KDM4C: variants seen among roughly 807,000 people sequenced by gnomAD.
KDM4C encodes the protein lysine-specific demethylase 4C.
KDM4C carries 81 observed loss-of-function variants against 129.3 expected under a neutral mutation model. The observed-to-expected ratio is 0.63, with a 90% CI of 0.52 to 0.75. The LOEUF is 0.75. KDM4C is among the 30% of genes least tolerant of loss of function. The pLI is 0.00. For missense variants in KDM4C, 1,457 were observed against 1,304.0 expected, an observed-to-expected ratio of 1.12 and a Z score of -1.81; for synonymous variants, 573 against 456.1, an observed-to-expected ratio of 1.26 and a Z score of -3.26.
chr9:7,059,222 T>C (rs1349793273), intron 17 of KDM4C, among the ~76,000 whole-genome samples: 1 of 152,194 alleles, frequency 6.6e-6, no homozygotes, highest in Non-Finnish European at 1.5e-5. Context: ...CCATCATGGC[T>C]CATTGCAGCC....
chr9:7,142,009 G>A (rs1185235456), intron 19 of KDM4C, among the ~76,000 whole-genome samples: 3 of 152,084 alleles, frequency 2.0e-5, no homozygotes, highest in South Asian at 2.1e-4. Context: ...AAATTCTTCA[G>A]TATGAAAATA....
At chr9:6,770,085 A>G (rs143839066) in intron 1 of KDM4C, among the ~76,000 whole-genome samples, 54 of 152,280 alleles carry the variant, frequency 3.5e-4, no homozygotes, top group African/African-American at 1.3e-3. Flanking sequence ...AGGCTGAGGC[A>G]GGAGAATCGC....
chr9:6,950,603 G>C (rs1049119339), intron 8 of KDM4C, among the ~76,000 whole-genome samples: 1 of 152,138 alleles, frequency 6.6e-6, no homozygotes, highest in East Asian at 1.9e-4. Context: ...GTTTAAGTGA[G>C]ATTATCTCTG....
Position 6,842,334 on chromosome 9 carries a change from T to TTTTTG in KDM4C, c.436-7173_436-7172insTTTTG, listed in dbSNP as rs1554714659. On this transcript the variant is annotated intron_variant, in intron 4 of 21. Coordinates refer to ENST00000381309, the MANE Select transcript of KDM4C (RefSeq NM_015061.6). ...TTTCTTTTTTTTTTTTTTTTTTTTT[T>TTTTTG]GAGACGGAGTCTTGCTCTGTCACCT... Among the ~76,000 whole-genome samples, 47 of 124,150 alleles carry TTTTTG rather than the reference T, an allele frequency of 3.8e-4. 3 individuals carry two copies. Among genetic ancestry groups the TTTTTG allele is most frequent in the Non-Finnish European group, 4.7e-4 (29 of 61,290 alleles). The allele number at this position is 124,150 out of a possible 152,430, so 81.4% of individuals were successfully genotyped here.
intron 8 of KDM4C, among the ~76,000 whole-genome samples, chr9:6,945,384 A>G (rs1826777735): frequency 6.6e-6 from 1 of 152,238 alleles, no homozygotes; most frequent in African/African-American, 2.4e-5. Context: ...TTTGGGTAGC[A>G]TAAATTCAGA....
intron 1 of KDM4C, chr9:6,734,466 G>C (rs1817456945): frequency 6.1e-6 from 1 of 163,584 alleles, no homozygotes; most frequent in African/African-American, 2.4e-5. Context: ...AGTTAATTTT[G>C]TATTTTTAGT....
intron 8 of KDM4C, among the ~76,000 whole-genome samples, chr9:6,975,847 G>A (rs1485219076): frequency 6.6e-6 from 1 of 152,180 alleles, no homozygotes; most frequent in Non-Finnish European, 1.5e-5. Flanking sequence ...AGACCAGCTT[G>A]GCTAACATAG....
intron 5 of KDM4C, among the ~76,000 whole-genome samples, chr9:6,859,668 C>T (rs1840571675): frequency 6.6e-6 from 1 of 150,958 alleles, no homozygotes; most frequent in Non-Finnish European, 1.5e-5. Flanking sequence ...CGAAACCATC[C>T]TGGGTAACAT....
chr9:7,078,837 T>C (rs919276362), intron 17 of KDM4C, among the ~76,000 whole-genome samples: 1 of 152,166 alleles, frequency 6.6e-6, no homozygotes, highest in African/African-American at 2.4e-5. Context: ...AGCAACCCCA[T>C]GATTGGATGA....
chr9:6,785,780 C>T (rs1354694888), intron 1 of KDM4C, among the ~76,000 whole-genome samples: 1 of 152,214 alleles, frequency 6.6e-6, no homozygotes, highest in Admixed American at 6.5e-5. Flanking sequence ...TAGGTTTCAG[C>T]GTGTCTTTTG....
chr9:7,014,089 G>A, intron 14 of KDM4C, 88 bp downstream of exon 14: 1 of 1,000,906 alleles, frequency 1.0e-6, no homozygotes, highest in Non-Finnish European at 1.5e-6. Context: ...TGTCAGATCT[G>A]TTGCATGGAC....
At chr9:6,801,526 C>T (rs1369808693) in intron 2 of KDM4C, among the ~76,000 whole-genome samples, 9 of 151,192 alleles carry the variant, frequency 6.0e-5, no homozygotes, top group South Asian at 4.2e-4. Flanking sequence ...CGTGAGCTAC[C>T]GTGCCCAGCC....
At chr9:6,939,184 C>T (rs182717983) in intron 8 of KDM4C, among the ~76,000 whole-genome samples, 231 of 152,002 alleles carry the variant, frequency 1.5e-3, no homozygotes, top group African/African-American at 5.0e-3. Context: ...TGCTCCCCAT[C>T]GCTGGCATTA....
intron 1 of KDM4C, chr9:6,749,013 CTTA>C (rs767165885): frequency 4.2e-6 from 3 of 707,302 alleles, no homozygotes; most frequent in South Asian, 1.5e-5. Context: ...CACTTGCAAG[CTTA>C]TTATTATTAT....
chr9:6,757,649 T>C (rs1011661533), upstream of KDM4C: 1 of 985,472 alleles, frequency 1.0e-6, no homozygotes, highest in South Asian at 4.7e-5. Flanking sequence ...CCGCCATAGG[T>C]GCGCGTCGGC....
rs979312241 is a variant in KDM4C, at chr9:6,905,068, G to A, written c.921+11836G>A. Among the ~76,000 whole-genome samples the A allele has an allele frequency of 5.3e-5, 8 of 152,330 alleles. No individual in the cohort carries two copies. In the East Asian group the frequency reaches 1.5e-3, roughly 29 times the overall value. On this transcript the variant is annotated intron_variant, in intron 8 of 21. Coordinates refer to ENST00000381309, the MANE Select transcript of KDM4C (RefSeq NM_015061.6). ...TCCATTGTTGCAGAGAGCAGATGGT[G>A]CTTAAAATATCCTTTAATTTGATGT...
intron 4 of KDM4C, among the ~76,000 whole-genome samples, chr9:6,836,173 T>C (rs1166627889): frequency 6.6e-6 from 1 of 152,068 alleles, no homozygotes; most frequent in African/African-American, 2.4e-5. Flanking sequence ...AAAAAATCAC[T>C]GGGTGTGGTG....
chr9:7,077,378 A>C, intron 17 of KDM4C: 7 of 213,182 alleles, frequency 3.3e-5, no homozygotes, highest in Non-Finnish European at 4.9e-5. Flanking sequence ...TATGAAATAG[A>C]ATAGCATGCT....
At chr9:6,816,239 C>T (rs1353518192) in intron 4 of KDM4C, among the ~76,000 whole-genome samples, 1 of 152,122 alleles carries the variant, frequency 6.6e-6, no homozygotes, top group Non-Finnish European at 1.5e-5. Context: ...TATTTTAAAA[C>T]CTTTTTTATT....
Sources: allele counts gnomAD v4.1 joint callset (sites outside exome capture counted in the v4.1 genomes callset), GRCh38; gene constraint gnomAD v4.1.1; transcripts MANE v1.5; gene names NCBI Gene and HGNC (gene_info 2026-07-23, HGNC 2026-07-21).